HPSE2: variants seen among roughly 807,000 people sequenced by gnomAD.
The protein encoded by HPSE2 is heparanase 2 (inactive), also known as inactive heparanase-2.
A neutral mutation model predicts 60.5 loss-of-function variants in HPSE2; 38 were observed. The ratio of observed to expected loss-of-function variants is 0.63; its 90% CI spans 0.48 to 0.82. The LOEUF (loss-of-function observed/expected upper bound fraction) is 0.82, where lower values mean the gene tolerates loss of function less well. Among genes scored for constraint, HPSE2 ranks in the 40% least tolerant of loss-of-function variants. HPSE2 has a pLI of 0.00. For synonymous variants in HPSE2, 295 were observed against 293.2 expected (o/e 1.01, Z -0.06); for missense variants, 713 against 740.4 (o/e 0.96, Z 0.43).
chr10:98,543,895 C>T (rs2133831552), intron 9 of HPSE2, among the ~76,000 whole-genome samples: 1 of 151,846 alleles, frequency 6.6e-6, no homozygotes, highest in East Asian at 1.9e-4. Flanking sequence ...CTTTAACACC[C>T]CACTGTCAAC....
At chr10:98,930,743 T>G (rs2135108010) in intron 3 of HPSE2, among the ~76,000 whole-genome samples, 1 of 145,022 alleles carries the variant, frequency 6.9e-6, no homozygotes, top group East Asian at 2.0e-4. Context: ...CTGTTTTTCA[T>G]GTGTTTGTTG....
At chr10:99,020,090 T>C (rs1957229454) in intron 3 of HPSE2, among the ~76,000 whole-genome samples, 1 of 152,138 alleles carries the variant, frequency 6.6e-6, no homozygotes, top group African/African-American at 2.4e-5. Context: ...ACCTTCAGGA[T>C]CCTCTCCCAG....
intron 3 of HPSE2, among the ~76,000 whole-genome samples, chr10:99,117,421 A>G (rs1844746139): frequency 5.4e-5 from 2 of 36,902 alleles, no homozygotes; most frequent in African/African-American, 1.0e-4. Flanking sequence ...TTTTTTGAAA[A>G]AAAAAAAAAA....
Position 98,932,876 on chromosome 10 carries a change from T to C in HPSE2, c.611-188820A>G, listed in dbSNP as rs181262849. ...TTTGAATCTCCTCTCTTTTCTTCTC[T>C]ATTAGTCTTGCTAACAGTCTATCTA... On this transcript the variant is annotated intron_variant, in intron 3 of 11. Coordinates refer to ENST00000370552, the MANE Select transcript of HPSE2 (RefSeq NM_021828.5). Among the ~76,000 whole-genome samples the C allele has an allele frequency of 1.3e-3, 190 of 144,036 alleles. 32 individuals are homozygous for C. Among genetic ancestry groups the C allele is most frequent in the African/African-American group, 5.4e-3 (190 of 35,506 alleles). The allele number at this position is 144,036 out of a possible 152,430, so 94.5% of individuals were successfully genotyped here. A position where few individuals can be genotyped will look rare whatever the true frequency, so the allele number is the denominator to read the frequency against.
intron 3 of HPSE2, chr10:99,048,229 T>A: frequency 1.7e-6 from 1 of 582,602 alleles, no homozygotes; most frequent in Non-Finnish European, 3.2e-6. Flanking sequence ...TCTATACTAT[T>A]GGAAAATGCT....
intron 3 of HPSE2, among the ~76,000 whole-genome samples, chr10:98,824,198 T>C (rs1283685844): frequency 6.6e-6 from 1 of 150,838 alleles, no homozygotes; most frequent in Non-Finnish European, 1.5e-5. Flanking sequence ...AATTTCATGG[T>C]TTTTAAAGTC....
At chr10:99,250,777 G>C in the HPSE2 span, among the ~76,000 whole-genome samples, 1 of 152,076 alleles carries the variant, frequency 6.6e-6, no homozygotes, top group Non-Finnish European at 1.5e-5. Context: ...ACAAAATTAA[G>C]ACAGAATTTA....
chr10:99,312,269 T>C, the HPSE2 span, among the ~76,000 whole-genome samples: 2 of 152,218 alleles, frequency 1.3e-5, no homozygotes, highest in Non-Finnish European at 2.9e-5. Flanking sequence ...AGCCTTCTCT[T>C]GGAACCAGAT....
chr10:98,626,118 GA>G (rs1168753211), intron 7 of HPSE2, among the ~76,000 whole-genome samples: 1 of 92,060 alleles, frequency 1.1e-5, no homozygotes, highest in African/African-American at 3.5e-5. Context: ...AAAAAAAAAA[GA>G]AAAAGAAAAA....
intron 3 of HPSE2, among the ~76,000 whole-genome samples, chr10:98,958,437 T>C (rs1024889607): frequency 6.6e-6 from 1 of 152,088 alleles, no homozygotes; most frequent in African/African-American, 2.4e-5. Context: ...AAAGTTGAAC[T>C]TTGATTAAAT....
chr10:99,007,774 A>C (rs1174045605), intron 3 of HPSE2, among the ~76,000 whole-genome samples: 1 of 152,208 alleles, frequency 6.6e-6, no homozygotes, highest in African/African-American at 2.4e-5. Flanking sequence ...AAATGGGAGC[A>C]GGGCCTTTAG....
intron 9 of HPSE2, among the ~76,000 whole-genome samples, chr10:98,610,678 T>A (rs1945730086): frequency 6.6e-6 from 1 of 152,240 alleles, no homozygotes; most frequent in African/African-American, 2.4e-5. Flanking sequence ...GCTTTTTATT[T>A]TATTCCAAAT....
At chr10:99,272,015 G>A in the HPSE2 span, among the ~76,000 whole-genome samples, 1 of 152,208 alleles carries the variant, frequency 6.6e-6, no homozygotes, top group African/African-American at 2.4e-5. Context: ...GCTCACGCCT[G>A]TAATCCCAAC....
At chr10:99,150,537 T>C (rs980680685) in intron 2 of HPSE2, among the ~76,000 whole-genome samples, 1 of 152,100 alleles carries the variant, frequency 6.6e-6, no homozygotes, top group Non-Finnish European at 1.5e-5. Context: ...CCTAGGCTGG[T>C]CTCAAACTCC....
intron 3 of HPSE2, among the ~76,000 whole-genome samples, chr10:99,091,594 A>C (rs949116937): frequency 2.6e-5 from 4 of 152,118 alleles, no homozygotes; most frequent in African/African-American, 9.6e-5. Context: ...AAACAACAAC[A>C]AAAAAAATGA....
chr10:98,903,451 G>A (rs1953722166), intron 3 of HPSE2, among the ~76,000 whole-genome samples: 2 of 152,066 alleles, frequency 1.3e-5, no homozygotes, highest in Admixed American at 6.6e-5. Context: ...CTATGTTAAA[G>A]ATAAAAAAAT....
chr10:99,101,684 C>T (rs537462206), intron 3 of HPSE2, among the ~76,000 whole-genome samples: 3 of 152,294 alleles, frequency 2.0e-5, no homozygotes, highest in African/African-American at 7.2e-5. Context: ...AATATACATT[C>T]TTCTCAGCAC....
Position 99,089,349 on chromosome 10 carries a change from A to G in HPSE2, c.610+54889T>C, listed in dbSNP as rs759319680. On this transcript the variant is annotated intron_variant, in intron 3 of 11. Coordinates refer to ENST00000370552, the MANE Select transcript of HPSE2 (RefSeq NM_021828.5). ...TGATTCATCTTGAGTTGATTTTTGT[A>G]TAAGGTGAGAGATGAGGATCCAGTT... Among the ~76,000 whole-genome samples, 5 of 152,166 alleles carry G rather than the reference A, an allele frequency of 3.3e-5. No homozygotes were observed. In the South Asian group the frequency reaches 6.2e-4, roughly 19 times the overall value.
chr10:99,220,844 G>C (rs1849286805), intron 2 of HPSE2, among the ~76,000 whole-genome samples: 1 of 140,852 alleles, frequency 7.1e-6, no homozygotes, highest in Non-Finnish European at 1.5e-5. Context: ...AACATGAAGG[G>C]AGGCTTTCAC....
Sources: allele counts gnomAD v4.1 joint callset (sites outside exome capture counted in the v4.1 genomes callset), GRCh38; gene constraint gnomAD v4.1.1; transcripts MANE v1.5; gene names NCBI Gene and HGNC (gene_info 2026-07-23, HGNC 2026-07-21).